The following RSRP1 variants were observed in gnomAD, a reference collection of about 807,000 sequenced individuals.
RSRP1 encodes arginine and serine rich protein 1, also known as arginine/serine-rich protein 1.
In RSRP1, 37 loss-of-function variants were observed where a neutral mutation model predicts 33.0. The observed-to-expected ratio is 1.12, with a 90% confidence interval of 0.86 to 1.48. The LOEUF (loss-of-function observed/expected upper bound fraction) is 1.48, where lower values mean the gene tolerates loss of function less well. Ranked by LOEUF, RSRP1 falls within the 40% of genes most tolerant of loss-of-function variation. The probability of loss-of-function intolerance (pLI) is 0.00; values close to 1 mark genes in which losing one functional copy is unlikely to be tolerated. For synonymous variants in RSRP1, 167 were observed against 158.7 expected (o/e 1.05, Z -0.40); for missense variants, 402 against 385.3 (o/e 1.04, Z -0.36).
Position 25,314,185 on chromosome 1 carries a change from G to A in RSRP1, c.-67+23793C>T, listed in dbSNP as rs550173889. The stretch of plus-strand genomic sequence containing the variant: ...TAAACAATTTTCTCTAGTAGTTTGC[G>A]CCAATCTAATCACCAGTAGTGTATA... On this transcript the variant is annotated intron_variant, in intron 1 of 1. Coordinates refer to the RSRP1 transcript ENST00000561867. Among the ~76,000 whole-genome samples the A allele has an allele frequency of 5.3e-5, 7 of 132,796 alleles. 1 individual carries two copies. The East Asian group carries it at 5.9e-4, about 11-fold the overall frequency. The allele number at this position is 132,796 out of a possible 152,430, so 87.1% of individuals were successfully genotyped here.
At chr1:25,243,669 C>T (rs979294873) in intron 3 of RSRP1, 36 bp from the exon 4 acceptor site, 2 of 1,609,528 alleles carry the variant, frequency 1.2e-6, no homozygotes, top group African/African-American at 2.7e-5. Context: ...TTTTAAAACA[C>T]ATACCCTTGG....
chr1:25,311,339 A>C lies in RSRP1; in HGVS notation c.-67+26639T>G, dbSNP rs1293217134. On this transcript the variant is annotated intron_variant, in intron 1 of 1. Coordinates refer to the RSRP1 transcript ENST00000561867. ...CAGCTGAGAACACTGAGAGTGTGAC[A>C]CAACTACCGACTGATAAGAAAACTA... Among the ~76,000 whole-genome samples the C allele has an allele frequency of 2.3e-5, 3 of 131,550 alleles. 1 individual carries two copies. Among genetic ancestry groups the C allele is most frequent in the African/African-American group, 7.8e-5 (3 of 38,590 alleles). The allele number at this position is 131,550 out of a possible 152,430, so 86.3% of individuals were successfully genotyped here. A position where few individuals can be genotyped will look rare whatever the true frequency, so the allele number is the denominator to read the frequency against.
chr1:25,283,341 G>A (rs1281492032), intron 1 of RSRP1, among the ~76,000 whole-genome samples: 3 of 131,402 alleles, frequency 2.3e-5, no homozygotes, highest in Non-Finnish European at 5.4e-5. Context: ...GACCAGCTTG[G>A]CCAACATAGC....
chr1:25,310,550 T>G (rs896099635), intron 1 of RSRP1, among the ~76,000 whole-genome samples: 2 of 130,984 alleles, frequency 1.5e-5, no homozygotes, highest in African/African-American at 5.2e-5. Flanking sequence ...AGAAAGAAAA[T>G]TAATGCAAGA....
At position 25,245,244 on chromosome 1, in the gene RSRP1, G is replaced by C; in HGVS notation, c.578C>G (p.Thr193Ser). The change falls in exon 3 of 5, where the codon ACC becomes AGC. Residue 193 changes from threonine to serine, a missense_variant. Transcript: ENST00000243189. ...KTNAAKALGT[T>S]NIDLPASLRT... Reference sequence around the variant, plus strand: ...GAGACTAGCTGGCAAGTCAATGTTGGTTGTTCCTAGAGCTTTCGCTGCATT... The same window carrying C: ...GAGACTAGCTGGCAAGTCAATGTTGCTTGTTCCTAGAGCTTTCGCTGCATT... 6.2e-7 allele frequency: 1 copy of C among 1,613,990 alleles called. No homozygotes were observed. The highest frequency in any genetic ancestry group is 1.1e-5 in the South Asian group (1 of 91,084).
chr1:25,311,947 C>T (rs980223813), intron 1 of RSRP1, among the ~76,000 whole-genome samples: 1 of 129,846 alleles, frequency 7.7e-6, no homozygotes, highest in East Asian at 2.0e-4. Flanking sequence ...AGAGCAGGGT[C>T]TAGTGGAGCT....
intron 1 of RSRP1, among the ~76,000 whole-genome samples, chr1:25,255,396 CTG>C (rs1639915506): frequency 6.6e-6 from 1 of 152,178 alleles, no homozygotes; most frequent in Non-Finnish European, 1.5e-5. Context: ...TTGTCTGGCC[CTG>C]TGTAAAGATG....
At chr1:25,287,182 G>A (rs1167339172) in intron 1 of RSRP1, among the ~76,000 whole-genome samples, 2 of 135,346 alleles carry the variant, frequency 1.5e-5, no homozygotes, top group Admixed American at 1.4e-4. Context: ...CACACACTGT[G>A]TCCACCTGGG....
Position 25,318,745 on chromosome 1 carries a change from C to T in RSRP1, c.-67+19233G>A, listed in dbSNP as rs1332163567. On this transcript the variant is annotated intron_variant, in intron 1 of 1. Transcript: ENST00000561867. ...GCGTAAGACACTATGAGTTGTGTGACGTTGGGCATGTCACTTTACTCCCTC... is the reference window on the plus strand; with the variant it reads ...GCGTAAGACACTATGAGTTGTGTGATGTTGGGCATGTCACTTTACTCCCTC... Among the ~76,000 whole-genome samples, 8 of 132,510 alleles carry T rather than the reference C, an allele frequency of 6.0e-5. 3 individuals are homozygous for T. The South Asian group carries it at 6.9e-4, about 11-fold the overall frequency. 86.9% of individuals were successfully genotyped at this position (132,510 alleles called of 152,430 possible).
intron 1 of RSRP1, among the ~76,000 whole-genome samples, chr1:25,296,304 T>C (rs191020613): frequency 7.9e-6 from 1 of 126,058 alleles, no homozygotes; most frequent in Admixed American, 7.7e-5. Context: ...TGGAGTGCGG[T>C]GGTGTGATCT....
rs1287585522 is a variant in RSRP1 at position 25,303,446 on chromosome 1, C to T, written c.-67+34532G>A. On this transcript the variant is annotated intron_variant, in intron 1 of 1. Coordinates refer to the RSRP1 transcript ENST00000561867. Reference sequence around the variant, plus strand: ...GCTGGGCTGATCTCCGTCGGGGGAGCCAAGTACCTGCCGGTAAGAAACTAG... The same window carrying T: ...GCTGGGCTGATCTCCGTCGGGGGAGTCAAGTACCTGCCGGTAAGAAACTAG... The T allele has an allele frequency of 1.5e-6, 2 of 1,378,752 alleles. 1 individual carries two copies. Among genetic ancestry groups the T allele is most frequent in the Non-Finnish European group, 2.0e-6 (2 of 978,756 alleles). The allele number at this position is 1,378,752 out of a possible 1,614,324, so 85.4% of individuals were successfully genotyped here.
intron 1 of RSRP1, among the ~76,000 whole-genome samples, chr1:25,273,419 C>T (rs1330739682): frequency 2.0e-5 from 2 of 99,968 alleles, no homozygotes; most frequent in East Asian, 4.2e-4. Context: ...GCTGGAATTA[C>T]AGGCGTGAAG....
rs1643930478 is a variant in RSRP1 at position 25,307,784 on chromosome 1, T to C, written c.-67+30194A>G. 1.5e-6 allele frequency: 2 copies of C among 1,300,222 alleles called. 1 individual carries two copies. The allele number at this position is 1,300,222 out of a possible 1,614,324, so 80.5% of individuals were successfully genotyped here. A position where few individuals can be genotyped will look rare whatever the true frequency, so the allele number is the denominator to read the frequency against. The stretch of plus-strand genomic sequence containing the variant: ...TGGATGCCTTCTACAGAGACAACCA[T>C]AGCCCCAAATTATAGGGATCACATA... On this transcript the variant is annotated intron_variant, in intron 1 of 1. Transcript: ENST00000561867.
chr1:25,262,698 G>A (rs1011827377), intron 1 of RSRP1, among the ~76,000 whole-genome samples: 11 of 152,142 alleles, frequency 7.2e-5, no homozygotes, highest in South Asian at 2.1e-4. Context: ...CAGCGGTGAC[G>A]GAAAGGCTGA....
rs2124697376 is a variant in RSRP1 at position 25,308,147 on chromosome 1, A to C, written c.-67+29831T>G. Reference sequence around the variant, plus strand: ...ATCCAATGACTTCTCAAGAGCTCAAAATCTAGAGTTTTGCATGTGCTCTCC... The same window carrying C: ...ATCCAATGACTTCTCAAGAGCTCAACATCTAGAGTTTTGCATGTGCTCTCC... On this transcript the variant is annotated intron_variant, in intron 1 of 1. Transcript: ENST00000561867. Among the ~76,000 whole-genome samples the C allele has an allele frequency of 1.6e-5, 2 of 121,944 alleles. 1 individual carries two copies. Among genetic ancestry groups the C allele is most frequent in the Middle Eastern group, 8.3e-3 (2 of 242 alleles). 80.0% of individuals were successfully genotyped at this position (121,944 alleles called of 152,430 possible). A position where few individuals can be genotyped will look rare whatever the true frequency, so the allele number is the denominator to read the frequency against.
In RSRP1 at chr1:25,242,281, C is replaced by A; in HGVS notation, c.*308G>T. Reference sequence around the variant, plus strand: ...GAAAACAAGAAATTTATTAAATATACAAAACAGGAATACAGTTCAATTACT... The same window carrying A: ...GAAAACAAGAAATTTATTAAATATAAAAAACAGGAATACAGTTCAATTACT... On this transcript the variant is annotated 3_prime_UTR_variant, in exon 5 of 5. Coordinates refer to ENST00000243189, the MANE Select transcript of RSRP1 (RefSeq NM_020317.5). 5.7e-6 allele frequency: 1 copy of A among 174,490 alleles called. No homozygotes were observed. Among genetic ancestry groups the A allele is most frequent in the Admixed American group, 6.1e-5 (1 of 16,432 alleles). 10.8% of individuals were successfully genotyped at this position (174,490 alleles called of 1,614,324 possible). A position where few individuals can be genotyped will look rare whatever the true frequency, so the allele number is the denominator to read the frequency against.
In RSRP1 at chr1:25,305,346, C is replaced by T. The variant is rs866507346; in HGVS notation, c.-67+32632G>A. On this transcript the variant is annotated intron_variant, in intron 1 of 1. Transcript: ENST00000561867. ...CTGAAAGATGGGAGGTGCTCAGGCA[C>T]ACTTCCTGGGCTAGTTGAGGAGTCT... Among the ~76,000 whole-genome samples, 25 of 129,330 alleles carry T rather than the reference C, an allele frequency of 1.9e-4. 6 individuals are homozygous for T. Among genetic ancestry groups the T allele is most frequent in the South Asian group, 7.1e-4 (3 of 4,254 alleles). 84.8% of individuals were successfully genotyped at this position (129,330 alleles called of 152,430 possible).
chr1:25,318,556 C>A lies in RSRP1; in HGVS notation c.-67+19422G>T. 1.5e-5 allele frequency among the ~76,000 whole-genome samples: 2 copies of A among 131,324 alleles called. 1 individual carries two copies. The allele number at this position is 131,324 out of a possible 152,430, so 86.2% of individuals were successfully genotyped here. A position where few individuals can be genotyped will look rare whatever the true frequency, so the allele number is the denominator to read the frequency against. On this transcript the variant is annotated intron_variant, in intron 1 of 1. Transcript: ENST00000561867. Reference sequence around the variant, plus strand: ...TGAGTCGAGGTTGCACCACTGCCCTCCAGCCTAGGTGACAGAGTGAGACTG... The same window carrying A: ...TGAGTCGAGGTTGCACCACTGCCCTACAGCCTAGGTGACAGAGTGAGACTG...
chr1:25,307,751 C>T lies in RSRP1; in HGVS notation c.-67+30227G>A, dbSNP rs1459965071. 105 of 1,307,076 alleles carry T rather than the reference C, an allele frequency of 8.0e-5. 25 individuals are homozygous for T. Among genetic ancestry groups the T allele is most frequent in the Admixed American group, 1.1e-4 (5 of 47,400 alleles). The allele number at this position is 1,307,076 out of a possible 1,614,324, so 81.0% of individuals were successfully genotyped here. ...AATCATGGAGGCGCTGCGGTTCCTA[C>T]CGGTTCTTGGATGCCTTCTACAGAG... On this transcript the variant is annotated intron_variant, in intron 1 of 1. Coordinates refer to the RSRP1 transcript ENST00000561867.
Sources: gnomAD v4.1 joint callset for allele counts (sites outside exome capture counted in the v4.1 genomes callset) on GRCh38, gnomAD v4.1.1 for gene constraint, MANE v1.5 for transcripts, NCBI Gene and HGNC (gene_info 2026-07-23, HGNC 2026-07-21) for gene names.